Variants in GRM1 observed in about 807,000 individuals in gnomAD.
GRM1 encodes metabotropic glutamate receptor 1.
Under a neutral mutation model 90.9 loss-of-function variants are expected in GRM1, and 33 were observed. The observed-to-expected ratio is 0.36, with a 90% CI of 0.28 to 0.49. The LOEUF (loss-of-function observed/expected upper bound fraction) is 0.49, where lower values mean the gene tolerates loss of function less well. GRM1 is among the 20% of genes least tolerant of loss of function. The pLI is 0.99. For missense variants in GRM1, 1,190 were observed against 1,534.3 expected (o/e 0.78, Z 3.75); for synonymous variants, 700 against 613.2 (o/e 1.14, Z -2.09).
chr6:146,359,007 G>C (rs970653045), intron 5 of GRM1, among the ~76,000 whole-genome samples: 2 of 152,186 alleles, frequency 1.3e-5, no homozygotes, highest in Non-Finnish European at 2.9e-5. Context: ...CCATGGCTAT[G>C]GTAAATCTTT....
At chr6:146,090,503 A>T (rs2128867179) in intron 1 of GRM1, among the ~76,000 whole-genome samples, 1 of 152,254 alleles carries the variant, frequency 6.6e-6, no homozygotes, top group East Asian at 1.9e-4. Flanking sequence ...AGTGCCTACA[A>T]AGTTTTTACA....
intron 1 of GRM1, among the ~76,000 whole-genome samples, chr6:146,053,378 G>A (rs1775365445): frequency 6.6e-6 from 1 of 151,896 alleles, no homozygotes; most frequent in Admixed American, 6.6e-5. Context: ...TAATTCAATA[G>A]AGAGCTTAAA....
At chr6:146,388,574 T>C (rs1412824072) in intron 6 of GRM1, among the ~76,000 whole-genome samples, 1 of 152,086 alleles carries the variant, frequency 6.6e-6, no homozygotes, top group Non-Finnish European at 1.5e-5. Context: ...AGTCACCTAG[T>C]ACAAAGGTCC....
At chr6:146,334,047 A>T (rs1269042041) in intron 3 of GRM1, among the ~76,000 whole-genome samples, 5 of 152,204 alleles carry the variant, frequency 3.3e-5, no homozygotes, top group Non-Finnish European at 1.5e-5. Flanking sequence ...TGACTCTTCC[A>T]GCACTTCCTG....
chr6:146,041,756 A>T (rs12530442), intron 1 of GRM1, among the ~76,000 whole-genome samples: 6,904 of 152,112 alleles, frequency 0.045, 240 homozygotes, highest in East Asian at 0.17. Context: ...TGGTGATGAT[A>T]ATCTTGACAC....
intron 1 of GRM1, among the ~76,000 whole-genome samples, chr6:146,130,378 A>G (rs545455982): frequency 2.0e-4 from 31 of 152,258 alleles, no homozygotes; most frequent in Admixed American, 1.9e-3. Flanking sequence ...TAATGAAAAT[A>G]AATTTCTTAA....
chr6:146,417,628 T>C (rs1179784047), intron 7 of GRM1, among the ~76,000 whole-genome samples: 1 of 152,216 alleles, frequency 6.6e-6, no homozygotes, highest in Non-Finnish European at 1.5e-5. Flanking sequence ...AAATAAACGT[T>C]AGTGGAAGTA....
intron 4 of GRM1, among the ~76,000 whole-genome samples, chr6:146,353,337 G>T (rs1459534314): frequency 2.0e-5 from 3 of 152,186 alleles, no homozygotes; most frequent in Non-Finnish European, 4.4e-5. Flanking sequence ...CAAGCCCAGG[G>T]TCTTATAGGC....
At chr6:146,300,037 GAA>G (rs1783317282) in intron 2 of GRM1, among the ~76,000 whole-genome samples, 2 of 152,104 alleles carry the variant, frequency 1.3e-5, no homozygotes, top group Admixed American at 1.3e-4. Context: ...GTAAATAAAA[GAA>G]TGTCATATTT....
intron 3 of GRM1, among the ~76,000 whole-genome samples, chr6:146,325,460 G>A (rs1458035199): frequency 3.3e-5 from 5 of 152,170 alleles, no homozygotes; most frequent in Admixed American, 6.5e-5. Flanking sequence ...TACAAAGATT[G>A]TTGAACACCT....
intron 2 of GRM1, among the ~76,000 whole-genome samples, chr6:146,179,793 G>T (rs942813346): frequency 1.3e-5 from 2 of 152,098 alleles, no homozygotes; most frequent in African/African-American, 4.8e-5. Context: ...GGGATTACAG[G>T]CGTGAGCCAC....
chr6:146,031,130 A>ATT (rs1394453001), intron 1 of GRM1, among the ~76,000 whole-genome samples: 1 of 152,130 alleles, frequency 6.6e-6, no homozygotes, highest in African/African-American at 2.4e-5. Flanking sequence ...ATTTTCAAAA[A>ATT]TTTTTTATAT....
intron 1 of GRM1, among the ~76,000 whole-genome samples, chr6:146,121,758 A>G (rs575431099): frequency 6.6e-6 from 1 of 152,114 alleles, no homozygotes; most frequent in Non-Finnish European, 1.5e-5. Context: ...GAGTTTCTTA[A>G]TCCTGAGTTC....
chr6:146,339,676 A>AACTTATT (rs1243735220), intron 3 of GRM1, among the ~76,000 whole-genome samples: 1 of 152,230 alleles, frequency 6.6e-6, no homozygotes, highest in Non-Finnish European at 1.5e-5. Flanking sequence ...TTGTCTAAAT[A>AACTTATT]ACTTATTACT....
In GRM1 at chr6:146,213,858, A is replaced by G. The variant is rs1779777377; in HGVS notation, c.950+54261A>G. Among the ~76,000 whole-genome samples, 3 of 152,066 alleles carry G rather than the reference A, an allele frequency of 2.0e-5. No homozygotes were observed. In the South Asian group the frequency reaches 6.2e-4, roughly 32 times the overall value. On this transcript the variant is annotated intron_variant, in intron 2 of 7. Coordinates refer to ENST00000282753, the MANE Select transcript of GRM1 (RefSeq NM_001278064.2). The stretch of plus-strand genomic sequence containing the variant: ...GCTGGTAGCATGTCTCAGTACAAGT[A>G]TGCAGGCCTCAGAACCAGGGAAGCT...
At chr6:146,381,280 T>C (rs1776307839) in intron 5 of GRM1, among the ~76,000 whole-genome samples, 1 of 152,170 alleles carries the variant, frequency 6.6e-6, no homozygotes, top group Admixed American at 6.5e-5. Flanking sequence ...GGTGGCAAGG[T>C]TTGTAGGCAC....
In GRM1 at chr6:146,434,713, G is replaced by T. The variant is rs748991380; in HGVS notation, c.3502G>T (p.Glu1168Ter). ...CTCGGTGCCCAGCTCCCCCGTGTCC[G>T]AGTCGGTGCTCTGCACCCCTCCCAA... ...GSSVPSSPVS[E>*]SVLCTPPNVS... The change falls in exon 8 of 8, where the codon GAG becomes TAG. Residue 1168 changes from glutamate (E) to a stop codon, truncating the protein, a stop_gained. Coordinates refer to ENST00000282753, the MANE Select transcript of GRM1 (RefSeq NM_001278064.2). LOFTEE classifies it high-confidence loss of function. The T allele has an allele frequency of 6.2e-7, 1 of 1,602,394 alleles. No homozygotes were observed. The highest frequency in any genetic ancestry group is 8.5e-7 in the Non-Finnish European group (1 of 1,179,950).
chr6:146,298,164 T>C (rs912325912), intron 2 of GRM1, among the ~76,000 whole-genome samples: 3 of 152,346 alleles, frequency 2.0e-5, no homozygotes, highest in African/African-American at 7.2e-5. Context: ...TTATTATTCA[T>C]GATACCTACC....
intron 2 of GRM1, among the ~76,000 whole-genome samples, chr6:146,230,242 G>A (rs1311212732): frequency 4.6e-5 from 7 of 152,100 alleles, no homozygotes; most frequent in Admixed American, 3.9e-4. Flanking sequence ...TATAGGCTGG[G>A]AGAAAATATT....
Sources: allele counts gnomAD v4.1 joint callset (sites outside exome capture counted in the v4.1 genomes callset), GRCh38; gene constraint gnomAD v4.1.1; transcripts MANE v1.5; gene names NCBI Gene and HGNC (gene_info 2026-07-23, HGNC 2026-07-21).